The following SPATA31H1 variants were observed in gnomAD, a reference collection of about 807,000 sequenced individuals.
SPATA31H1 encodes spermatogenesis-associated protein 31H1.
the SPATA31H1 span, chr2:27,568,445 A>C: frequency 2.5e-6 from 1 of 398,934 alleles, no homozygotes; most frequent in South Asian, 1.3e-4. Flanking sequence ...TCTCAGCACC[A>C]TTACATCAAG....
the SPATA31H1 span, among the ~76,000 whole-genome samples, chr2:27,541,835 C>T: frequency 6.6e-6 from 1 of 151,980 alleles, no homozygotes; most frequent in Non-Finnish European, 1.5e-5. Context: ...TGGAGTGCAA[C>T]ACATGGCTCA....
At chr2:27,579,427 A>G in the SPATA31H1 span, 6 of 1,614,104 alleles carry the variant, frequency 3.7e-6, no homozygotes, top group Non-Finnish European at 4.2e-6. Flanking sequence ...ACTATTTCTC[A>G]GCCTTCTGTG....
the SPATA31H1 span, among the ~76,000 whole-genome samples, chr2:27,539,473 T>C: frequency 1.6e-5 from 2 of 123,402 alleles, no homozygotes; most frequent in African/African-American, 3.4e-5. Context: ...CAGAAGAATT[T>C]TTCTTAGTAC....
At chr2:27,579,570 A>C in the SPATA31H1 span, 33 of 1,614,110 alleles carry the variant, frequency 2.0e-5, no homozygotes, top group Non-Finnish European at 2.8e-5. Flanking sequence ...AATAAAGAAG[A>C]CAAACTCAAC....
chr2:27,565,036 G>A, the SPATA31H1 span, among the ~76,000 whole-genome samples: 1 of 151,886 alleles, frequency 6.6e-6, no homozygotes, highest in South Asian at 2.1e-4. Flanking sequence ...GTTCCCACTT[G>A]CCTGAAATAC....
the SPATA31H1 span, chr2:27,570,689 G>C: frequency 2.5e-6 from 1 of 398,756 alleles, no homozygotes; most frequent in Non-Finnish European, 4.4e-6. Flanking sequence ...TTTTAGAGAT[G>C]ACCCCAGGGC....
the SPATA31H1 span, among the ~76,000 whole-genome samples, chr2:27,562,794 G>T: frequency 1.3e-5 from 2 of 151,282 alleles, no homozygotes; most frequent in Non-Finnish European, 2.9e-5. Flanking sequence ...GGCTGAAGCA[G>T]GAGAATCGCT....
chr2:27,542,519 T>C, the SPATA31H1 span, among the ~76,000 whole-genome samples: 1 of 152,030 alleles, frequency 6.6e-6, no homozygotes, highest in African/African-American at 2.4e-5. Flanking sequence ...TTGATATATT[T>C]GACAGATATA....
At chr2:27,560,148 G>A in the SPATA31H1 span, among the ~76,000 whole-genome samples, 1 of 152,080 alleles carries the variant, frequency 6.6e-6, no homozygotes, top group Admixed American at 6.5e-5. Context: ...TTACAGGCGT[G>A]AGCCACCATG....
the SPATA31H1 span, chr2:27,578,360 A>G: frequency 3.7e-6 from 6 of 1,614,076 alleles, no homozygotes; most frequent in Non-Finnish European, 5.1e-6. Flanking sequence ...TCCCAGGGCC[A>G]TCCCTTCAAA....
the SPATA31H1 span, chr2:27,577,628 T>C: frequency 8.7e-6 from 14 of 1,613,998 alleles, no homozygotes; most frequent in African/African-American, 1.6e-4. This position sits in a 1 kb window ranked among gnomAD's most constrained non-coding sequence, Gnocchi z 4.5. Context: ...GGATGACACC[T>C]GGGTTAGGAC....
At chr2:27,553,569 T>A in the SPATA31H1 span, among the ~76,000 whole-genome samples, 1 of 152,128 alleles carries the variant, frequency 6.6e-6, no homozygotes. Context: ...AAGTCAATTC[T>A]TCTCTCATTT....
the SPATA31H1 span, among the ~76,000 whole-genome samples, chr2:27,549,597 G>C: frequency 1.3e-5 from 2 of 151,748 alleles, no homozygotes; most frequent in African/African-American, 2.4e-5. Context: ...ATCACCTGAG[G>C]TCAGGAGTTC....
At chr2:27,545,365 A>G in the SPATA31H1 span, among the ~76,000 whole-genome samples, 1 of 151,906 alleles carries the variant, frequency 6.6e-6, no homozygotes, top group Non-Finnish European at 1.5e-5. Flanking sequence ...TATATGATAA[A>G]GAAGAAGGTT....
the SPATA31H1 span, chr2:27,579,051 A>G: frequency 6.2e-7 from 1 of 1,614,174 alleles, no homozygotes; most frequent in Non-Finnish European, 8.5e-7. Context: ...AGAGACAACT[A>G]AGAGGAAGCA....
the SPATA31H1 span, among the ~76,000 whole-genome samples, chr2:27,540,041 C>T: frequency 4.2e-5 from 5 of 117,978 alleles, no homozygotes; most frequent in African/African-American, 9.7e-5. Flanking sequence ...CCCTCCCGGA[C>T]GGGGCGGCTG....
chr2:27,566,413 T>C, the SPATA31H1 span: 7 of 715,866 alleles, frequency 9.8e-6, no homozygotes, highest in Admixed American at 2.0e-5. Context: ...TGGGTGGGGA[T>C]TGAAGGTGGT....
the SPATA31H1 span, among the ~76,000 whole-genome samples, chr2:27,556,937 G>A: frequency 2.8e-5 from 2 of 72,622 alleles, no homozygotes; most frequent in Non-Finnish European, 5.4e-5. Flanking sequence ...CTGCCTTCAA[G>A]CATCTGTTTA....
the SPATA31H1 span, among the ~76,000 whole-genome samples, chr2:27,548,265 G>A: frequency 4.6e-5 from 7 of 151,382 alleles, no homozygotes; most frequent in African/African-American, 1.2e-4. Context: ...CACCGCGCCC[G>A]GACTTAACAG....
Sources: allele counts gnomAD v4.1 joint callset (sites outside exome capture counted in the v4.1 genomes callset), GRCh38; gene constraint gnomAD v4.1.1; non-coding constraint Gnocchi (gnomAD v3.1); transcripts MANE v1.5; gene names NCBI Gene and HGNC (gene_info 2026-07-23, HGNC 2026-07-21).